ADSS1: variants seen among roughly 807,000 people sequenced by gnomAD.
The protein encoded by ADSS1 is adenylosuccinate synthase 1, also known as adenylosuccinate synthetase isozyme 1.
Under a neutral mutation model 59.1 loss-of-function variants are expected in ADSS1, and 57 were observed. That is an observed-to-expected ratio of 0.97 (90% CI 0.78 to 1.20). The LOEUF is 1.20. Ranked by LOEUF, ADSS1 falls within the 50% of genes most tolerant of loss-of-function variation. The pLI is 0.00. For missense variants in ADSS1, 603 were observed against 610.3 expected (o/e 0.99, Z 0.13); for synonymous variants, 247 against 249.4 (o/e 0.99, Z 0.09).
Position 104,741,113 on chromosome 14 carries a change from G to A in ADSS1, c.667-4G>A, listed in dbSNP as rs1891331832. 1 of 1,596,724 alleles carries A rather than the reference G, an allele frequency of 6.3e-7. No homozygotes were observed. The highest frequency in any genetic ancestry group is 2.2e-5 in the East Asian group (1 of 44,564). ...TCACTCTGCTGCTTGGCCCTTCCTT[G>A]CAGGGCTTTGCTGAGCGGATCAGAC... On this transcript the variant is annotated splice_region_variant and splice_polypyrimidine_tract_variant and intron_variant, in intron 7 of 12. Coordinates refer to ENST00000330877, the MANE Select transcript of ADSS1 (RefSeq NM_152328.5).
At position 104,736,883 on chromosome 14, in the gene ADSS1, TA is replaced by T. The variant is rs1251007226; in HGVS notation, c.296-1492del. Among the ~76,000 whole-genome samples the T allele has an allele frequency of 3.3e-3, 143 of 43,718 alleles. 1 individual carries two copies. The highest frequency in any genetic ancestry group is 0.013 in the African/African-American group (92 of 7,352). The allele number at this position is 43,718 out of a possible 152,430, so 28.7% of individuals were successfully genotyped here. On this transcript the variant is annotated intron_variant, in intron 2 of 12. Coordinates refer to ENST00000330877, the MANE Select transcript of ADSS1 (RefSeq NM_152328.5). ...GGCTTATGCCACCGCACCTAGCTGA[TA>T]TATATATATATATATATATATATAT...
intron 5 of ADSS1, 106 bp downstream of exon 5, chr14:104,739,922 C>T: frequency 8.1e-7 from 1 of 1,230,256 alleles, no homozygotes; most frequent in Non-Finnish European, 1.2e-6. Context: ...GGTACCTCAA[C>T]CCACTCAAAG....
chr14:104,744,501 A>G (rs569783847), intron 10 of ADSS1: 24 of 279,034 alleles, frequency 8.6e-5, no homozygotes, highest in African/African-American at 4.6e-4. Context: ...CCCACCTCTG[A>G]TCTTCAGGCA....
intron 4 of ADSS1, 158 bp downstream of exon 4, chr14:104,739,536 C>A (rs991323061): frequency 6.0e-6 from 6 of 998,846 alleles, no homozygotes; most frequent in Non-Finnish European, 7.4e-6. Flanking sequence ...CAAAGAGCTT[C>A]AAGTTGGGAG....
At chr14:104,741,094 T>A in intron 7 of ADSS1, 23 bp from the exon 8 acceptor site, 2 of 1,590,540 alleles carry the variant, frequency 1.3e-6, no homozygotes, top group Non-Finnish European at 1.7e-6. Context: ...AGGCTCACTC[T>A]GCTGCTTGGC....
In ADSS1 at chr14:104,739,756, A is replaced by G. The variant is rs1175271315; in HGVS notation, c.416A>G (p.Asp139Gly). 1.2e-6 allele frequency: 2 copies of G among 1,613,678 alleles called. No homozygotes were observed. The highest frequency in any genetic ancestry group is 8.5e-7 in the Non-Finnish European group (1 of 1,179,966). Residue 139 changes from aspartate to glycine, a missense_variant, in exon 5 of 13, where the codon GAT becomes GGT. Asp to Gly is a moderately conservative substitution (Grantham distance 94). Coordinates refer to ENST00000330877, the MANE Select transcript of ADSS1 (RefSeq NM_152328.5). The part of the protein sequence containing the change: ...IISDRAHLVF[D>G]FHQAVDGLQE... Reference sequence around the variant, plus strand: ...CACCTGGCCCGCCCGACAGTGTTTGATTTTCACCAGGCTGTCGACGGACTT... The same window carrying G: ...CACCTGGCCCGCCCGACAGTGTTTGGTTTTCACCAGGCTGTCGACGGACTT...
chr14:104,741,346 C>T lies in ADSS1; in HGVS notation c.793+103C>T, dbSNP rs72715975. 5.7e-3 allele frequency: 8,174 copies of T among 1,446,026 alleles called. 39 individuals carry two copies. Among genetic ancestry groups the T allele is most frequent in the Middle Eastern group, 0.011 (45 of 4,280 alleles). The allele number at this position is 1,446,026 out of a possible 1,614,324, so 89.6% of individuals were successfully genotyped here. ...CCGATGGGGGAGGGAGGGGCAGACC[C>T]GCTTTCCAAGGCCACAGTGCCATCC... On this transcript the variant is annotated intron_variant, in intron 8 of 12. Transcript: ENST00000330877.
rs1458220208 is a variant in ADSS1, at chr14:104,739,620, T to G, written c.410-130T>G. ...AGACACTCATGGTCACACCCCAGTT[T>G]GTCCTCTTTGAAATCTCAACCACCC... is the stretch of plus-strand genomic sequence containing the variant. On this transcript the variant is annotated intron_variant, in intron 4 of 12. Coordinates refer to ENST00000330877, the MANE Select transcript of ADSS1 (RefSeq NM_152328.5). 3 of 1,088,228 alleles carry G rather than the reference T, an allele frequency of 2.8e-6. No homozygotes were observed. The East Asian group carries it at 7.6e-5, about 28-fold the overall frequency. 67.4% of individuals were successfully genotyped at this position (1,088,228 alleles called of 1,614,324 possible). A position where few individuals can be genotyped will look rare whatever the true frequency, so the allele number is the denominator to read the frequency against.
At chr14:104,745,199 C>T (rs1170810100) in intron 11 of ADSS1, 4 of 360,442 alleles carry the variant, frequency 1.1e-5, no homozygotes, top group African/African-American at 2.1e-5. Context: ...GGACCTTCAG[C>T]TGCCTTGAGG....
In ADSS1 at chr14:104,730,375, A is replaced by G. The variant is rs1890878174; in HGVS notation, c.193-4645A>G. Among the ~76,000 whole-genome samples the G allele has an allele frequency of 5.9e-5, 9 of 152,172 alleles. No homozygotes were observed. The South Asian group carries it at 1.9e-3, about 31-fold the overall frequency. On this transcript the variant is annotated intron_variant, in intron 1 of 12. Transcript: ENST00000330877. ...CATGCTGGTGGGCGCCTGTAGTCCC[A>G]GCTACTGGGGAGGGTGAGGTGGTAG...
Position 104,724,524 on chromosome 14 carries a change from G to A in ADSS1, c.192+62G>A, listed in dbSNP as rs559509453. On this transcript the variant is annotated intron_variant, in intron 1 of 12. Transcript: ENST00000330877. ...CAGCGAGCCCCCCTCCCCCGACCCAGACGGCCCCTGTCCTCCCATGCCCTG... is the reference window on the plus strand; with the variant it reads ...CAGCGAGCCCCCCTCCCCCGACCCAAACGGCCCCTGTCCTCCCATGCCCTG... The A allele has an allele frequency of 5.4e-3, 5,322 of 984,356 alleles. 25 individuals are homozygous for A. The highest frequency in any genetic ancestry group is 5.1e-3 in the Non-Finnish European group (4,259 of 828,134). The allele number at this position is 984,356 out of a possible 1,614,324, so 61.0% of individuals were successfully genotyped here.
chr14:104,730,958 TGGG>T (rs60540767), intron 1 of ADSS1, among the ~76,000 whole-genome samples: 18 of 32,082 alleles, frequency 5.6e-4, no homozygotes, highest in Non-Finnish European at 1.3e-3. Flanking sequence ...AGGCAGAGAG[TGGG>T]GGGGGGGGGG....
chr14:104,745,127 A>C (rs1891508651), intron 11 of ADSS1: 1 of 520,902 alleles, frequency 1.9e-6, no homozygotes, highest in Admixed American at 3.2e-5. Context: ...GGGTGGCTGT[A>C]GGCCCCTTCC....
intron 1 of ADSS1, among the ~76,000 whole-genome samples, chr14:104,725,418 C>T (rs891942946): frequency 5.3e-5 from 8 of 152,176 alleles, no homozygotes; most frequent in Non-Finnish European, 1.0e-4. Context: ...GCCCCCGCAC[C>T]GTCCCTTCTC....
rs1053377979 is a variant in ADSS1 at position 104,740,070 on chromosome 14, C to T, written c.476+254C>T. On this transcript the variant is annotated intron_variant, in intron 5 of 12. Coordinates refer to ENST00000330877, the MANE Select transcript of ADSS1 (RefSeq NM_152328.5). The surrounding 1 kb of genome is among the most constrained non-coding windows in gnomAD (Gnocchi z 4.8). ...CGGCTCCCCCCAGGAGTGCATAAGCCCTACCGTCACCTGTCACACCCACCA... is the reference window on the plus strand; with the variant it reads ...CGGCTCCCCCCAGGAGTGCATAAGCTCTACCGTCACCTGTCACACCCACCA... Among the ~76,000 whole-genome samples the T allele has an allele frequency of 9.2e-5, 14 of 152,154 alleles. No homozygotes were observed. In the East Asian group the frequency reaches 2.7e-3, roughly 29 times the overall value.
At chr14:104,743,217 A>G in intron 10 of ADSS1, 26 bp downstream of exon 10, 2 of 1,605,280 alleles carry the variant, frequency 1.2e-6, no homozygotes, top group Non-Finnish European at 1.7e-6. Context: ...TGCCATCCCC[A>G]CTGGGACCGT....
chr14:104,725,628 T>C (rs1890697252), intron 1 of ADSS1, among the ~76,000 whole-genome samples: 1 of 152,120 alleles, frequency 6.6e-6, no homozygotes, highest in South Asian at 2.1e-4. Flanking sequence ...GGCAAGCACA[T>C]CCCTCGCTCC....
chr14:104,738,996 G>A (rs1273243782), intron 3 of ADSS1, among the ~76,000 whole-genome samples: 1 of 152,190 alleles, frequency 6.6e-6, no homozygotes, highest in Non-Finnish European at 1.5e-5. Flanking sequence ...GCCCTGAGGG[G>A]GCAGGTCACC....
Position 104,740,880 on chromosome 14 carries a change from C to A in ADSS1, c.626C>A (p.Thr209Asn), listed in dbSNP as rs144265214. The A allele has an allele frequency of 2.8e-5, 45 of 1,613,930 alleles. No individual in the cohort carries two copies. Among genetic ancestry groups the A allele is most frequent in the Admixed American group, 2.3e-4 (14 of 60,026 alleles). Residue 209 changes from threonine (T) to asparagine (N), a missense_variant, in exon 7 of 13, where the codon ACC becomes AAC. Physicochemically the swap from Thr to Asn is moderately conservative, Grantham distance 65 (BLOSUM62 0). Transcript: ENST00000330877. The surrounding 1 kb of genome is among the most constrained non-coding windows in gnomAD (Gnocchi z 4.8). Reference sequence around the variant, plus strand: ...CACCAGCACCAGTCGATGTTCCCCACCCTGGAAATAGACATTGAAGGCCAA... The same window carrying A: ...CACCAGCACCAGTCGATGTTCCCCAACCTGGAAATAGACATTGAAGGCCAA... ...LAHQHQSMFP[T>N]LEIDIEGQLK...
Sources: allele counts gnomAD v4.1 joint callset (sites outside exome capture counted in the v4.1 genomes callset), GRCh38; gene constraint gnomAD v4.1.1; non-coding constraint Gnocchi (gnomAD v3.1); transcripts MANE v1.5; gene names NCBI Gene and HGNC (gene_info 2026-07-23, HGNC 2026-07-21).